TOMM40: variants seen among roughly 807,000 people sequenced by gnomAD.
The protein encoded by TOMM40 is mitochondrial import receptor subunit TOM40 homolog.
In TOMM40, 9 loss-of-function variants were observed where a neutral mutation model predicts 38.4. The observed-to-expected ratio is 0.23, with a 90% CI of 0.14 to 0.41. The LOEUF (loss-of-function observed/expected upper bound fraction) is 0.41, where lower values mean the gene tolerates loss of function less well. Among genes scored for constraint, TOMM40 ranks in the 10% least tolerant of loss-of-function variants. The pLI, the probability that TOMM40 is intolerant of heterozygous loss-of-function variation, is 1.00. For synonymous variants in TOMM40, 184 were observed against 210.0 expected (o/e 0.88, Z 1.07); for missense variants, 299 against 486.5 (o/e 0.61, Z 3.63).
At chr19:44,893,691 T>A in intron 3 of TOMM40, 89 bp from the exon 4 acceptor site, 1 of 1,134,148 alleles carries the variant, frequency 8.8e-7, no homozygotes, top group Non-Finnish European at 1.3e-6. Flanking sequence ...CATCCGAGGC[T>A]TTCTGACCCT....
chr19:44,897,790 A>AAG (rs538198716), intron 5 of TOMM40, among the ~76,000 whole-genome samples: 3,571 of 146,266 alleles, frequency 0.024, 168 homozygotes, highest in African/African-American at 0.08. Flanking sequence ...AAAAAAAAAA[A>AAG]AGAGAGAGAG....
chr19:44,895,116 C>T (rs1178772101), intron 5 of TOMM40, among the ~76,000 whole-genome samples: 8 of 152,134 alleles, frequency 5.3e-5, no homozygotes, highest in African/African-American at 1.7e-4. Flanking sequence ...GGAGAGCAGG[C>T]TCTTGAGCGC....
At chr19:44,902,016 G>T (rs1440615722) in intron 8 of TOMM40, 2 of 151,886 alleles carry the variant, frequency 1.3e-5, no homozygotes, top group Non-Finnish European at 2.9e-5. Flanking sequence ...CTTGAACCTG[G>T]GAGGCGGAGG....
At chr19:44,895,976 C>T (rs184317868) in intron 5 of TOMM40, among the ~76,000 whole-genome samples, 3 of 152,308 alleles carry the variant, frequency 2.0e-5, no homozygotes, top group Non-Finnish European at 2.9e-5. Context: ...GGCTTGCGTG[C>T]GCATGTCGCC....
Position 44,893,782 on chromosome 19 carries a change from G to A in TOMM40, c.438G>A (p.Ala146=), listed in dbSNP as rs368652522. 42 of 1,611,462 alleles carry A rather than the reference G, an allele frequency of 2.6e-5. No homozygotes were observed. Among genetic ancestry groups the A allele is most frequent in the East Asian group, 1.8e-4 (8 of 44,864 alleles). The change falls in exon 4 of 9, where the codon GCG becomes GCA. Residue 146 remains alanine (A), a splice_region_variant and synonymous_variant. Coordinates refer to ENST00000426677, the MANE Select transcript of TOMM40 (RefSeq NM_001128917.2). Reference sequence around the variant, plus strand: ...CTTCCGTTCTCTCTGCCTCACAGGCGTTCCCTGTACTGGTGGGTGACATGG... The same window carrying A: ...CTTCCGTTCTCTCTGCCTCACAGGCATTCCCTGTACTGGTGGGTGACATGG... The part of the protein sequence containing the change: ...VGTKQLSPTE[A]FPVLVGDMDN...
At chr19:44,900,590 G>A (rs1969659771) in intron 5 of TOMM40, 140 bp from the exon 6 acceptor site, 5 of 1,523,134 alleles carry the variant, frequency 3.3e-6, no homozygotes, top group African/African-American at 2.8e-5. Context: ...CTGGGCGATG[G>A]GTTAGGAGAA....
rs1555789087 is a variant in TOMM40, at chr19:44,897,790, A to AGAG, written c.644-2940_644-2939insGAG. 7.8e-3 allele frequency among the ~76,000 whole-genome samples: 1,146 copies of AGAG among 146,356 alleles called. 5 individuals are homozygous for AGAG. The highest frequency in any genetic ancestry group is 0.027 in the African/African-American group (1,041 of 38,950). On this transcript the variant is annotated intron_variant, in intron 5 of 8. Coordinates refer to ENST00000426677, the MANE Select transcript of TOMM40 (RefSeq NM_001128917.2). The stretch of plus-strand genomic sequence containing the variant: ...ACGCCCCATCTCAAAAAAAAAAAAA[A>AGAG]AGAGAGAGAGAGGGAGAGATGGGGG...
chr19:44,891,793 T>C, intron 1 of TOMM40, 104 bp downstream of exon 1: 1 of 1,193,004 alleles, frequency 8.4e-7, no homozygotes, highest in South Asian at 2.1e-5. Flanking sequence ...TGGAATTATT[T>C]AACAGCACTA....
rs755572467 is a variant in TOMM40 at position 44,894,053 on chromosome 19, C to T, written c.630C>T (p.Val210=). The T allele has an allele frequency of 4.0e-6, 6 of 1,514,420 alleles. No homozygotes were observed. In the South Asian group the frequency reaches 6.6e-5, roughly 17 times the overall value. The allele number at this position is 1,514,420 out of a possible 1,614,324, so 93.8% of individuals were successfully genotyped here. Residue 210 remains valine, a synonymous_variant, in exon 5 of 9, where the codon GTC becomes GTT. Coordinates refer to ENST00000426677, the MANE Select transcript of TOMM40 (RefSeq NM_001128917.2). Reference sequence around the variant, plus strand: ...CCGTCACCCTGGGGAACCCAGACGTCCTCGTGGGTTCAGGTAAGAGGCGGA... The same window carrying T: ...CCGTCACCCTGGGGAACCCAGACGTTCTCGTGGGTTCAGGTAAGAGGCGGA... ...TAAVTLGNPD[V]LVGSGILVAH...
chr19:44,894,318 G>A (rs572173757), intron 5 of TOMM40, among the ~76,000 whole-genome samples: 4 of 145,810 alleles, frequency 2.7e-5, no homozygotes, highest in South Asian at 2.2e-4. Flanking sequence ...TTGGAGTGCC[G>A]TGGCACGATC....
intron 5 of TOMM40, among the ~76,000 whole-genome samples, chr19:44,894,449 A>G (rs905152239): frequency 6.6e-6 from 1 of 151,980 alleles, no homozygotes; most frequent in Non-Finnish European, 1.5e-5. Context: ...TTTAGTAGAG[A>G]CAGGGTTTCA....
Position 44,893,838 on chromosome 19 carries a change from T to C in TOMM40, c.494T>C (p.Ile165Thr). 1.2e-6 allele frequency: 2 copies of C among 1,612,274 alleles called. No homozygotes were observed. The highest frequency in any genetic ancestry group is 1.7e-6 in the Non-Finnish European group (2 of 1,180,010). The part of the protein sequence containing the change: ...DNSGSLNAQV[I>T]HQLGPGLRSK... ...AGTGGCAGTCTCAACGCTCAGGTCATTCACCAGCTGGGCCCCGGTCTCAGG... is the reference window on the plus strand; with the variant it reads ...AGTGGCAGTCTCAACGCTCAGGTCACTCACCAGCTGGGCCCCGGTCTCAGG... The change falls in exon 4 of 9, where the codon ATT (isoleucine) becomes ACT (threonine). Residue 165 changes from isoleucine to threonine, a missense_variant. By Grantham distance (89) the Ile-to-Thr change is moderately conservative. Transcript: ENST00000426677.
In TOMM40 at chr19:44,893,984, C is replaced by A; in HGVS notation, c.561C>A (p.Asn187Lys). The A allele has an allele frequency of 6.4e-7, 1 of 1,558,232 alleles. No individual in the cohort carries two copies. Among genetic ancestry groups the A allele is most frequent in the South Asian group, 1.2e-5 (1 of 82,954 alleles). The change falls in exon 5 of 9, where the codon AAC (asparagine) becomes AAA (lysine). Residue 187 changes from asparagine to lysine, a missense_variant. By Grantham distance (94) the Asn-to-Lys change is moderately conservative. Coordinates refer to ENST00000426677, the MANE Select transcript of TOMM40 (RefSeq NM_001128917.2). ...AIQTQQSKFV[N>K]WQVDGEYRGS... ...AGACCCAGCAGTCGAAGTTTGTGAA[C>A]TGGCAGGTGGACGGGGAGTATCGGG...
At chr19:44,892,507 C>T (rs1436492812) in intron 2 of TOMM40, 47 bp downstream of exon 2, 3 of 1,571,540 alleles carry the variant, frequency 1.9e-6, no homozygotes, top group Admixed American at 3.3e-5. Context: ...TCCCCGCCGT[C>T]CCCCTCCCTG....
At chr19:44,894,900 G>A (rs976337902) in intron 5 of TOMM40, among the ~76,000 whole-genome samples, 2 of 152,180 alleles carry the variant, frequency 1.3e-5, no homozygotes, top group East Asian at 1.9e-4. Flanking sequence ...TGCAGCTGGC[G>A]TAGAGAGCAG....
rs778231369 is a variant in TOMM40 at position 44,892,431 on chromosome 19, G to A, written c.313G>A (p.Val105Ile). 1.9e-6 allele frequency: 3 copies of A among 1,613,234 alleles called. No individual in the cohort carries two copies. The Admixed American group carries it at 5.0e-5, about 27-fold the overall frequency. Residue 105 changes from valine (V) to isoleucine (I), a missense_variant, in exon 2 of 9, where the codon GTC becomes ATC. Transcript: ENST00000426677. ...PIQMEGVKLT[V>I]NKGLSNHFQV... ...TCAGATGGAGGGTGTCAAGCTCACA[G>A]TCAACAAAGGGTTGAGTAACCATTT...
chr19:44,900,851 A>C lies in TOMM40; in HGVS notation c.765A>C (p.Thr255=). ...GTVMSLAGKY[T]LNNWLATVTL... The stretch of plus-strand genomic sequence containing the variant: ...TCATGTCTCTAGCTGGGAAATACAC[A>C]TGTGAGCCTGGCGCCTGGGTCCGAG... Residue 255 remains threonine (T), a splice_region_variant and synonymous_variant, in exon 6 of 9, where the codon ACA becomes ACC. Coordinates refer to ENST00000426677, the MANE Select transcript of TOMM40 (RefSeq NM_001128917.2). 1 of 1,613,754 alleles carries C rather than the reference A, an allele frequency of 6.2e-7. No homozygotes were observed. Among genetic ancestry groups the C allele is most frequent in the Non-Finnish European group, 8.5e-7 (1 of 1,179,822 alleles).
At chr19:44,895,687 C>T (rs1568607693) in intron 5 of TOMM40, among the ~76,000 whole-genome samples, 1 of 152,086 alleles carries the variant, frequency 6.6e-6, no homozygotes, top group African/African-American at 2.4e-5. Context: ...GCTGGGACTA[C>T]AGGCGCGCGC....
rs394819 is a variant in TOMM40, at chr19:44,901,322, G to A, written c.946+12G>A. 2.7e-5 allele frequency: 44 copies of A among 1,611,966 alleles called. No individual in the cohort carries two copies. Among genetic ancestry groups the A allele is most frequent in the African/African-American group, 2.0e-4 (15 of 74,894 alleles). ...CCTCCTCTTCAAAGGTAAAGGTCTC[G>A]GTTCCCCTACGCGGGAAACAGGCAG... On this transcript the variant is annotated intron_variant, in intron 8 of 8. Transcript: ENST00000426677.
Sources: gnomAD v4.1 joint callset for allele counts (sites outside exome capture counted in the v4.1 genomes callset) on GRCh38, gnomAD v4.1.1 for gene constraint, MANE v1.5 for transcripts, NCBI Gene and HGNC (gene_info 2026-07-23, HGNC 2026-07-21) for gene names.